SAMD11: variants seen among roughly 807,000 people sequenced by gnomAD.
The protein encoded by SAMD11 is sterile alpha motif domain-containing protein 11.
SAMD11 carries 77 observed loss-of-function variants against 64.4 expected under a neutral mutation model. The ratio of observed to expected loss-of-function variants is 1.20; its 90% CI spans 0.99 to 1.44. SAMD11 has a LOEUF of 1.44. Ranked by LOEUF, SAMD11 falls within the 40% of genes most tolerant of loss-of-function variation. The pLI is 0.00. For synonymous variants in SAMD11, 658 were observed against 421.9 expected, an observed-to-expected ratio of 1.56 and a Z score of -6.86; for missense variants, 1,402 against 943.3, an observed-to-expected ratio of 1.49 and a Z score of -6.37.
chr1:936,852 G>C (rs1474128319), intron 5 of SAMD11, among the ~76,000 whole-genome samples: 2 of 152,196 alleles, frequency 1.3e-5, no homozygotes, highest in Non-Finnish European at 2.9e-5. Context: ...CGATCCAGCA[G>C]AGCGGAGGGA....
Position 944,004 on chromosome 1 carries a change from G to T in SAMD11, c.2386G>T (p.Gly796Cys), listed in dbSNP as rs187111693. The change falls in exon 14 of 14, where the codon GGC (glycine) becomes TGC (cysteine). Residue 796 changes from glycine (G) to cysteine (C), a missense_variant. Gly to Cys is a radical substitution (Grantham distance 159, BLOSUM62 -3). Coordinates refer to ENST00000616016, the MANE Select transcript of SAMD11 (RefSeq NM_001385641.1). The stretch of plus-strand genomic sequence containing the variant: ...CCTGCGGGCCCCGGAGCGAGAACTC[G>T]GCACAGGAGAGCAGCCCTTGTCCCC... ...PTLRAPEREL[G>C]TGEQPLSPTT... The T allele has an allele frequency of 6.2e-7, 1 of 1,612,862 alleles. No homozygotes were observed. The highest frequency in any genetic ancestry group is 2.2e-5 in the East Asian group (1 of 44,874).
chr1:926,921 C>G (rs186804141), intron 2 of SAMD11, among the ~76,000 whole-genome samples: 1 of 152,044 alleles, frequency 6.6e-6, no homozygotes, highest in Non-Finnish European at 1.5e-5. Flanking sequence ...GGGTCCCGGG[C>G]GTACCTCCGC....
chr1:941,524 TG>T (rs1478421782), intron 8 of SAMD11, among the ~76,000 whole-genome samples: 1 of 151,918 alleles, frequency 6.6e-6, no homozygotes, highest in East Asian at 1.9e-4. Flanking sequence ...GGGGGTTCCC[TG>T]GAGGAGAAGC....
chr1:944,013 G>GAGCAGCCCTTGTCCCCCACGAC lies in SAMD11; in HGVS notation c.2396_2417dup (p.Thr808AlafsTer103). The GAGCAGCCCTTGTCCCCCACGAC allele has an allele frequency of 6.2e-7, 1 of 1,612,910 alleles. No individual in the cohort carries two copies. Among genetic ancestry groups the GAGCAGCCCTTGTCCCCCACGAC allele is most frequent in the African/African-American group, 1.3e-5 (1 of 75,058 alleles). ...CCCGGAGCGAGAACTCGGCACAGGAGAGCAGCCCTTGTCCCCCACGACGGC... is the reference window on the plus strand; with the variant it reads ...CCCGGAGCGAGAACTCGGCACAGGAGAGCAGCCCTTGTCCCCCACGACAGCAGCCCTTGTCCCCCACGACGGC... On this transcript the variant is annotated frameshift_variant, in exon 14 of 14. Transcript: ENST00000616016. LOFTEE classifies it low-confidence loss of function (END_TRUNC).
In SAMD11 at chr1:939,415, G is replaced by A. The variant is rs750531559; in HGVS notation, c.1195+3G>A. ...CCACCTGGGCCTCCCCAGCCACGGT[G>A]AGGACCCACCCTGGCATGATCCCCC... On this transcript the variant is annotated splice_donor_region_variant and intron_variant, in intron 7 of 13. Coordinates refer to ENST00000616016, the MANE Select transcript of SAMD11 (RefSeq NM_001385641.1). 10 of 1,441,800 alleles carry A rather than the reference G, an allele frequency of 6.9e-6. No homozygotes were observed. Among genetic ancestry groups the A allele is most frequent in the Non-Finnish European group, 9.6e-6 (10 of 1,044,412 alleles). 89.3% of individuals were successfully genotyped at this position (1,441,800 alleles called of 1,614,324 possible). A position where few individuals can be genotyped will look rare whatever the true frequency, so the allele number is the denominator to read the frequency against.
At chr1:942,378 C>A (rs1245828795) in intron 9 of SAMD11, 32 bp from the exon 10 acceptor site, 1 of 1,301,994 alleles carries the variant, frequency 7.7e-7, no homozygotes, top group African/African-American at 1.5e-5. Context: ...GCCTCGGACC[C>A]CCCGACCCCG....
intron 3 of SAMD11, among the ~76,000 whole-genome samples, 200 bp downstream of exon 3, chr1:930,536 G>C (rs1641120818): frequency 6.6e-6 from 1 of 152,190 alleles, no homozygotes; most frequent in Admixed American, 6.5e-5. Flanking sequence ...TCCCACCTCT[G>C]CTCTGCGGCG....
rs1278408608 is a variant in SAMD11 at position 944,379 on chromosome 1, T to C, written c.*226T>C. On this transcript the variant is annotated 3_prime_UTR_variant, in exon 14 of 14. Transcript: ENST00000616016. Reference sequence around the variant, plus strand: ...GTCTGCAGACGGAGGGCAGAGGTGGTGGAAGGGGCCAGGGGCCTGCAGGCC... The same window carrying C: ...GTCTGCAGACGGAGGGCAGAGGTGGCGGAAGGGGCCAGGGGCCTGCAGGCC... 2 of 1,335,778 alleles carry C rather than the reference T, an allele frequency of 1.5e-6. No homozygotes were observed. Among genetic ancestry groups the C allele is most frequent in the Non-Finnish European group, 1.9e-6 (2 of 1,042,522 alleles). 82.7% of individuals were successfully genotyped at this position (1,335,778 alleles called of 1,614,324 possible). A position where few individuals can be genotyped will look rare whatever the true frequency, so the allele number is the denominator to read the frequency against.
chr1:942,197 C>T lies in SAMD11; in HGVS notation c.1420C>T (p.Pro474Ser), dbSNP rs748970150. Residue 474 changes from proline to serine, a missense_variant, in exon 9 of 14, where the codon CCC (proline) becomes TCC (serine). Physicochemically the swap from Pro to Ser is moderately conservative, Grantham distance 74. Coordinates refer to ENST00000616016, the MANE Select transcript of SAMD11 (RefSeq NM_001385641.1). ...PQNAPHVALG[P>S]HLRPPFLGVP... ...GAATGCCCCTCACGTCGCCCTGGGCCCCCATCTCAGGCCCCCCTTCCTGGG... is the reference window on the plus strand; with the variant it reads ...GAATGCCCCTCACGTCGCCCTGGGCTCCCATCTCAGGCCCCCCTTCCTGGG... 2.9e-6 allele frequency: 4 copies of T among 1,388,192 alleles called. No homozygotes were observed. Among genetic ancestry groups the T allele is most frequent in the East Asian group, 5.6e-5 (2 of 35,720 alleles). The allele number at this position is 1,388,192 out of a possible 1,614,324, so 86.0% of individuals were successfully genotyped here.
chr1:940,708 G>C (rs1032788789), intron 7 of SAMD11, among the ~76,000 whole-genome samples: 5 of 152,246 alleles, frequency 3.3e-5, no homozygotes, highest in Non-Finnish European at 5.9e-5. Flanking sequence ...TTGCCTTTGT[G>C]ACAAGCTTTG....
intron 2 of SAMD11, among the ~76,000 whole-genome samples, chr1:929,355 C>T (rs971005026): frequency 3.3e-5 from 5 of 152,176 alleles, no homozygotes; most frequent in South Asian, 2.1e-4. Context: ...GTGAGAAATG[C>T]GGGGCAGGGT....
At chr1:926,634 A>C (rs1342435385) in intron 2 of SAMD11, among the ~76,000 whole-genome samples, 1 of 152,096 alleles carries the variant, frequency 6.6e-6, no homozygotes, top group Non-Finnish European at 1.5e-5. Context: ...ACAGCTATGG[A>C]CACCCTCACT....
chr1:943,265 G>T lies in SAMD11; in HGVS notation c.2066G>T (p.Gly689Val). The T allele has an allele frequency of 6.2e-7, 1 of 1,612,892 alleles. No homozygotes were observed. Among genetic ancestry groups the T allele is most frequent in the Non-Finnish European group, 8.5e-7 (1 of 1,179,882 alleles). ...SPYFHTGAVG[G>V]LSMDGEEAPA... ...CCCCACAACTCAGGCGCGGTAGGGG[G>T]ACTCTCCATGGATGGGGAGGAGGCC... is the stretch of plus-strand genomic sequence containing the variant. The change falls in exon 12 of 14, where the codon GGA becomes GTA. Residue 689 changes from glycine (G) to valine (V), a missense_variant. Transcript: ENST00000616016.
intron 2 of SAMD11, among the ~76,000 whole-genome samples, chr1:927,027 A>C (rs1039082484): frequency 4.6e-5 from 7 of 152,130 alleles, no homozygotes; most frequent in African/African-American, 1.7e-4. Flanking sequence ...GGCTGCAGAC[A>C]CACCTGTGAA....
intron 1 of SAMD11, 26 bp from the exon 2 acceptor site, chr1:925,896 A>T (rs754319542): frequency 6.4e-7 from 1 of 1,551,186 alleles, no homozygotes; most frequent in South Asian, 1.1e-5. Flanking sequence ...GCTCCCTCAC[A>T]GGGTCTGCCT....
At chr1:938,182 G>A (rs559468838) in intron 5 of SAMD11, among the ~76,000 whole-genome samples, 80 of 152,284 alleles carry the variant, frequency 5.3e-4, no homozygotes, top group African/African-American at 7.2e-4. Flanking sequence ...GAATGGGTGC[G>A]GTCGGCAGGA....
chr1:944,258 A>C lies in SAMD11; in HGVS notation c.*105A>C. 5 of 1,457,992 alleles carry C rather than the reference A, an allele frequency of 3.4e-6. No homozygotes were observed. In the South Asian group the frequency reaches 4.9e-5, roughly 14 times the overall value. The allele number at this position is 1,457,992 out of a possible 1,614,324, so 90.3% of individuals were successfully genotyped here. A position where few individuals can be genotyped will look rare whatever the true frequency, so the allele number is the denominator to read the frequency against. On this transcript the variant is annotated 3_prime_UTR_variant, in exon 14 of 14. Transcript: ENST00000616016. Reference sequence around the variant, plus strand: ...TATTTCTTTCGGTTTCGGATGCAAAACAAAAAATTTTAAAAGAAAATGTGA... The same window carrying C: ...TATTTCTTTCGGTTTCGGATGCAAACCAAAAAATTTTAAAAGAAAATGTGA...
chr1:941,820 C>T (rs1258384819), intron 8 of SAMD11, among the ~76,000 whole-genome samples: 2 of 152,144 alleles, frequency 1.3e-5, no homozygotes, highest in Admixed American at 6.5e-5. Context: ...CACCGCCGCC[C>T]GGATTGCGGC....
intron 7 of SAMD11, chr1:940,263 C>CGCCGGCCGCG (rs1641674705): frequency 6.7e-6 from 1 of 148,486 alleles, no homozygotes; most frequent in Non-Finnish European, 1.5e-5. Context: ...CGCCGGCCGC[C>CGCCGGCCGCG]GGGGAGCGCG....
Sources: gnomAD v4.1 joint callset for allele counts (sites outside exome capture counted in the v4.1 genomes callset) on GRCh38, gnomAD v4.1.1 for gene constraint, MANE v1.5 for transcripts, NCBI Gene and HGNC (gene_info 2026-07-23, HGNC 2026-07-21) for gene names.